The following ZC3HAV1 variants were observed in gnomAD, a reference collection of about 807,000 sequenced individuals.
The protein encoded by ZC3HAV1 is zinc finger CCCH-type antiviral protein 1.
ZC3HAV1 carries 41 observed loss-of-function variants against 86.6 expected under a neutral mutation model. The ratio of observed to expected loss-of-function variants is 0.47; its 90% CI spans 0.37 to 0.61. The LOEUF (loss-of-function observed/expected upper bound fraction) is 0.61. Among genes scored for constraint, ZC3HAV1 ranks in the 20% least tolerant of loss-of-function variants. The pLI, the probability that ZC3HAV1 is intolerant of heterozygous loss-of-function variation, is 0.00. For synonymous variants in ZC3HAV1, 421 were observed against 432.1 expected (o/e 0.97, Z 0.32); for missense variants, 964 against 1,141.1 (o/e 0.84, Z 2.24).
At chr7:139,083,076 C>CA (rs1817172146) in intron 3 of ZC3HAV1, among the ~76,000 whole-genome samples, 2 of 143,554 alleles carry the variant, frequency 1.4e-5, no homozygotes, top group East Asian at 2.3e-4. Context: ...AAATGTTCTA[C>CA]GTGTGTGTGA....
At chr7:139,091,904 C>A (rs910873777) in intron 1 of ZC3HAV1, among the ~76,000 whole-genome samples, 2 of 152,266 alleles carry the variant, frequency 1.3e-5, no homozygotes, top group African/African-American at 2.4e-5. Context: ...CGCCACACTT[C>A]GAGACGAATT....
intron 1 of ZC3HAV1, among the ~76,000 whole-genome samples, chr7:139,101,974 C>G (rs1037132859): frequency 6.6e-6 from 1 of 151,390 alleles, no homozygotes; most frequent in East Asian, 2.0e-4. Flanking sequence ...GCTAAATCCC[C>G]CTCTGTGAGA....
In ZC3HAV1 at chr7:139,108,983, C is replaced by A. The variant is rs776880098; in HGVS notation, c.308+41G>T. 23 of 1,503,548 alleles carry A rather than the reference C, an allele frequency of 1.5e-5. No homozygotes were observed. The highest frequency in any genetic ancestry group is 1.8e-5 in the Non-Finnish European group (20 of 1,116,800). 93.1% of individuals were successfully genotyped at this position (1,503,548 alleles called of 1,614,324 possible). On this transcript the variant is annotated intron_variant, in intron 1 of 12. Coordinates refer to ENST00000242351, the MANE Select transcript of ZC3HAV1 (RefSeq NM_020119.4). The surrounding 1 kb of genome is among the most constrained non-coding windows in gnomAD (Gnocchi z 4.2). ...TGCCCGCCTGGACAGTCCACCCCGA[C>A]CACGGCTGCGGACAGCGCCCCTCCC...
Position 139,047,857 on chromosome 7 carries a change from G to A in ZC3HAV1, c.2450-4C>T. ...GCATCTTTTGCAAAGTAAATTCCTA[G>A]AAAGAATCAGAAAGAAAAGTTAAGA... On this transcript the variant is annotated splice_polypyrimidine_tract_variant and splice_region_variant and intron_variant, in intron 12 of 12. Coordinates refer to ENST00000242351, the MANE Select transcript of ZC3HAV1 (RefSeq NM_020119.4). 6.2e-7 allele frequency: 1 copy of A among 1,604,570 alleles called. No individual in the cohort carries two copies. Among genetic ancestry groups the A allele is most frequent in the Non-Finnish European group, 8.5e-7 (1 of 1,178,280 alleles).
In ZC3HAV1 at chr7:139,079,924, G is replaced by C. The variant is rs752215043; in HGVS notation, c.1017C>G (p.Leu339=). ...AAGTGCTGCCTGGATTTCCATGCAA[G>C]AGGTCCTCTTGACTGCCGTTCTCTA... ...RFLENGSQED[L]LHGNPGSTYL... is the part of the protein sequence containing the mutation. The change falls in exon 4 of 13, where the codon CTC becomes CTG. Residue 339 remains leucine, a synonymous_variant. Transcript: ENST00000242351. 5 of 1,614,086 alleles carry C rather than the reference G, an allele frequency of 3.1e-6. No homozygotes were observed. In the South Asian group the frequency reaches 4.4e-5, roughly 14 times the overall value.
chr7:139,109,645 G>C lies in ZC3HAV1; in HGVS notation c.-314C>G, dbSNP rs1001983206. 10 of 290,006 alleles carry C rather than the reference G, an allele frequency of 3.4e-5. No individual in the cohort carries two copies. Among genetic ancestry groups the C allele is most frequent in the Non-Finnish European group, 5.8e-5 (9 of 154,994 alleles). 18.0% of individuals were successfully genotyped at this position (290,006 alleles called of 1,614,324 possible). ...GACCGCCTGGGGTGGCCCCCTCTCGGTTCTAGGCTCGGCGAGGGTGAGGTT... is the reference window on the plus strand; with the variant it reads ...GACCGCCTGGGGTGGCCCCCTCTCGCTTCTAGGCTCGGCGAGGGTGAGGTT... On this transcript the variant is annotated 5_prime_UTR_variant, in exon 1 of 13. Coordinates refer to ENST00000242351, the MANE Select transcript of ZC3HAV1 (RefSeq NM_020119.4).
chr7:139,077,874 T>C (rs997169136), intron 5 of ZC3HAV1, among the ~76,000 whole-genome samples: 14 of 152,212 alleles, frequency 9.2e-5, no homozygotes, highest in African/African-American at 2.9e-4. Flanking sequence ...TACTTGAGAC[T>C]TGGCTGACTG....
chr7:139,082,246 G>A (rs1268693126), intron 3 of ZC3HAV1, among the ~76,000 whole-genome samples: 1 of 151,858 alleles, frequency 6.6e-6, no homozygotes, highest in Non-Finnish European at 1.5e-5. Flanking sequence ...TCCAGCCTGG[G>A]TGACAGAGTG....
chr7:139,077,075 C>T (rs1258647833), intron 5 of ZC3HAV1, among the ~76,000 whole-genome samples: 1 of 152,198 alleles, frequency 6.6e-6, no homozygotes, highest in East Asian at 1.9e-4. Flanking sequence ...CCCTGGCCTA[C>T]AGTTCATCTC....
chr7:139,062,756 G>A (rs944348351), intron 8 of ZC3HAV1, among the ~76,000 whole-genome samples: 4 of 152,212 alleles, frequency 2.6e-5, no homozygotes, highest in African/African-American at 9.6e-5. Context: ...GCGGACGGGT[G>A]CAGTGGCTCA....
intron 1 of ZC3HAV1, among the ~76,000 whole-genome samples, chr7:139,103,245 T>G (rs1817829444): frequency 6.7e-6 from 1 of 149,830 alleles, no homozygotes; most frequent in African/African-American, 2.4e-5. Context: ...TTATTTATTT[T>G]ACTTGTTTTT....
At chr7:139,098,136 G>T (rs973592314) in intron 1 of ZC3HAV1, among the ~76,000 whole-genome samples, 1 of 151,936 alleles carries the variant, frequency 6.6e-6, no homozygotes, top group South Asian at 2.1e-4. Flanking sequence ...TTTTAGTAGA[G>T]ATGGGGTTCC....
chr7:139,047,715 T>C lies in ZC3HAV1; in HGVS notation c.2588A>G (p.Gln863Arg). 6.2e-7 allele frequency: 1 copy of C among 1,614,172 alleles called. No individual in the cohort carries two copies. The highest frequency in any genetic ancestry group is 8.5e-7 in the Non-Finnish European group (1 of 1,180,034). Reference protein sequence around the residue: ...GNITYTSPPPQFDSCVDTRSN... With the variant: ...GNITYTSPPPRFDSCVDTRSN... The stretch of plus-strand genomic sequence containing the variant: ...TCTGGTATCCACACAGCTGTCGAAC[T>C]GTGGAGGAGGGCTCGTGTACGTTAT... Residue 863 changes from glutamine (Q) to arginine (R), a missense_variant, in exon 13 of 13, where the codon CAG becomes CGG. Transcript: ENST00000242351.
In ZC3HAV1 at chr7:139,055,200, A is replaced by G. The variant is rs372792456; in HGVS notation, c.2187+5T>C. The G allele has an allele frequency of 6.2e-7, 1 of 1,611,530 alleles. No individual in the cohort carries two copies. The highest frequency in any genetic ancestry group is 1.1e-5 in the South Asian group (1 of 90,680). On this transcript the variant is annotated splice_donor_5th_base_variant and intron_variant, in intron 10 of 12. Coordinates refer to ENST00000242351, the MANE Select transcript of ZC3HAV1 (RefSeq NM_020119.4). ...CTCATCCACCAAACATGTAAAACCA[A>G]GTACCTTATATTTCTTTGAGGATAG...
chr7:139,101,338 T>C (rs1473120179), intron 1 of ZC3HAV1, among the ~76,000 whole-genome samples: 2 of 142,908 alleles, frequency 1.4e-5, no homozygotes, highest in East Asian at 2.1e-4. Context: ...TCTGCTCGGC[T>C]GCCCAGTCTG....
At chr7:139,079,198 T>A in intron 4 of ZC3HAV1, 1 of 1,536,290 alleles carries the variant, frequency 6.5e-7, no homozygotes, top group Non-Finnish European at 8.7e-7. Context: ...AGACTGCAGC[T>A]CTGTTGCTTG....
intron 6 of ZC3HAV1, among the ~76,000 whole-genome samples, chr7:139,075,586 C>T (rs894986085): frequency 1.3e-5 from 2 of 152,124 alleles, no homozygotes; most frequent in African/African-American, 2.4e-5. Context: ...ACCACAGGTG[C>T]GTGCTACCAT....
chr7:139,098,150 A>G (rs1220221434), intron 1 of ZC3HAV1, among the ~76,000 whole-genome samples: 3 of 151,894 alleles, frequency 2.0e-5, no homozygotes, highest in Non-Finnish European at 2.9e-5. Context: ...GGGTTCCACC[A>G]TCTCTGGTGA....
chr7:139,054,259 G>A (rs1816218985), intron 10 of ZC3HAV1, among the ~76,000 whole-genome samples, 164 bp from the exon 11 acceptor site: 1 of 152,168 alleles, frequency 6.6e-6, no homozygotes, highest in Non-Finnish European at 1.5e-5. Context: ...ACTCATTCCC[G>A]TAATTAATCA....
Sources: gnomAD v4.1 joint callset for allele counts (sites outside exome capture counted in the v4.1 genomes callset) on GRCh38, gnomAD v4.1.1 for gene constraint, Gnocchi (gnomAD v3.1) non-coding constraint, MANE v1.5 for transcripts, NCBI Gene and HGNC (gene_info 2026-07-23, HGNC 2026-07-21) for gene names.